SEMA6D: variants seen among roughly 807,000 people sequenced by gnomAD.
SEMA6D encodes semaphorin 6D.
A neutral mutation model predicts 106.6 loss-of-function variants in SEMA6D; 35 were observed. That is an observed-to-expected ratio of 0.33 (90% CI 0.25 to 0.44). The LOEUF (loss-of-function observed/expected upper bound fraction) is 0.44, where lower values mean the gene tolerates loss of function less well. Ranked by LOEUF, SEMA6D falls within the 20% of genes least tolerant of loss-of-function variation. The pLI is 1.00. For synonymous variants in SEMA6D, 499 were observed against 487.7 expected, an observed-to-expected ratio of 1.02 and a Z score of -0.31; for missense variants, 1,185 against 1,345.9, an observed-to-expected ratio of 0.88 and a Z score of 1.87.
intron 9 of SEMA6D, among the ~76,000 whole-genome samples, 157 bp from the exon 10 acceptor site, chr15:47,763,693 C>T (rs977127403): frequency 2.6e-5 from 4 of 152,150 alleles, no homozygotes; most frequent in African/African-American, 9.7e-5. Flanking sequence ...ATCTAGTTTA[C>T]CTTCTTACTG....
intron 4 of SEMA6D, among the ~76,000 whole-genome samples, chr15:47,620,093 G>C (rs1040300249): frequency 6.6e-6 from 1 of 152,130 alleles, no homozygotes; most frequent in African/African-American, 2.4e-5. Context: ...TTGAGACATG[G>C]TTCTAGCAGG....
intron 1 of SEMA6D, among the ~76,000 whole-genome samples, chr15:47,727,325 G>C (rs765087275): frequency 6.6e-6 from 1 of 152,176 alleles, no homozygotes; most frequent in South Asian, 2.1e-4. Context: ...GCTGCGTCTG[G>C]AATGAAGCCC....
At chr15:47,368,932 A>T (rs2039164575) in intron 1 of SEMA6D, among the ~76,000 whole-genome samples, 2 of 151,942 alleles carry the variant, frequency 1.3e-5, no homozygotes, top group African/African-American at 2.4e-5. Flanking sequence ...CATCCCTAAT[A>T]ATCTGTGGGT....
At chr15:47,382,379 G>A (rs761071629) in intron 1 of SEMA6D, among the ~76,000 whole-genome samples, 43 of 152,108 alleles carry the variant, frequency 2.8e-4, no homozygotes, top group Non-Finnish European at 4.7e-4. Context: ...GCATGGTGGC[G>A]GGGGCCTGTA....
At chr15:47,636,057 A>G (rs2077382939) in intron 4 of SEMA6D, among the ~76,000 whole-genome samples, 1 of 152,170 alleles carries the variant, frequency 6.6e-6, no homozygotes, top group Non-Finnish European at 1.5e-5. Context: ...TGTTCAACAT[A>G]CATAGATTGC....
intron 4 of SEMA6D, among the ~76,000 whole-genome samples, chr15:47,698,383 A>C (rs1162650240): frequency 2.6e-5 from 4 of 152,190 alleles, no homozygotes. Context: ...AAAATTTTAT[A>C]AATGCTTTTT....
intron 1 of SEMA6D, among the ~76,000 whole-genome samples, chr15:47,743,888 T>G (rs994330237): frequency 1.7e-4 from 26 of 152,326 alleles, no homozygotes; most frequent in African/African-American, 6.0e-4. Context: ...AACCTAGTTT[T>G]GATTTTTGTC....
intron 4 of SEMA6D, among the ~76,000 whole-genome samples, chr15:47,613,604 G>C (rs932642347): frequency 6.6e-6 from 1 of 152,060 alleles, no homozygotes; most frequent in Non-Finnish European, 1.5e-5. Context: ...ATATTTAGAA[G>C]TACAGTATAT....
intron 1 of SEMA6D, among the ~76,000 whole-genome samples, chr15:47,263,668 G>C (rs62014038): frequency 6.6e-6 from 1 of 151,782 alleles, no homozygotes. Context: ...GCGATTCCCC[G>C]AAGACTTAAT....
intron 4 of SEMA6D, among the ~76,000 whole-genome samples, chr15:47,606,641 C>T (rs542425006): frequency 2.6e-5 from 4 of 152,316 alleles, no homozygotes; most frequent in East Asian, 1.9e-4. Context: ...GCTGGCTACA[C>T]ATCCACCATG....
At chr15:47,265,998 G>A (rs2034299178) in intron 1 of SEMA6D, among the ~76,000 whole-genome samples, 1 of 152,040 alleles carries the variant, frequency 6.6e-6, no homozygotes. Context: ...TTCTTCTATT[G>A]TCTGGAAATG....
intron 3 of SEMA6D, among the ~76,000 whole-genome samples, chr15:47,496,902 A>G (rs956833565): frequency 3.3e-5 from 5 of 151,998 alleles, no homozygotes; most frequent in African/African-American, 9.7e-5. Flanking sequence ...AAAAATGAAC[A>G]CTACTTTTTG....
intron 4 of SEMA6D, among the ~76,000 whole-genome samples, chr15:47,706,904 A>G (rs191863925): frequency 1.3e-5 from 2 of 152,258 alleles, no homozygotes; most frequent in African/African-American, 4.8e-5. Context: ...CACCCTGACC[A>G]TTAACTAATA....
intron 1 of SEMA6D, among the ~76,000 whole-genome samples, chr15:47,185,941 G>A (rs751904799): frequency 1.2e-4 from 18 of 152,028 alleles, no homozygotes; most frequent in Non-Finnish European, 1.8e-4. Context: ...CTCTTGACAA[G>A]AGAAATTATT....
At chr15:47,430,864 G>T (rs531551570) in intron 2 of SEMA6D, among the ~76,000 whole-genome samples, 1 of 152,114 alleles carries the variant, frequency 6.6e-6, no homozygotes, top group African/African-American at 2.4e-5. Flanking sequence ...TGGAGGTGAT[G>T]AATTGCAGGA....
At chr15:47,552,553 CACACAT>C (rs1407720828) in intron 3 of SEMA6D, among the ~76,000 whole-genome samples, 14 of 143,600 alleles carry the variant, frequency 9.7e-5, no homozygotes, top group South Asian at 8.9e-4. Context: ...CACACACACA[CACACAT>C]ATGGCAAGGC....
At chr15:47,739,187 T>C (rs2080641685) in intron 1 of SEMA6D, among the ~76,000 whole-genome samples, 2 of 152,148 alleles carry the variant, frequency 1.3e-5, no homozygotes, top group African/African-American at 4.8e-5. Context: ...GGAAACAATA[T>C]AAAAAACACT....
intron 1 of SEMA6D, among the ~76,000 whole-genome samples, chr15:47,369,475 G>C (rs977948428): frequency 6.6e-6 from 1 of 152,162 alleles, no homozygotes; most frequent in Non-Finnish European, 1.5e-5. Flanking sequence ...GTTGGGCTTA[G>C]AGTGAAAATT....
chr15:47,543,515 A>G (rs1391202140), intron 3 of SEMA6D, among the ~76,000 whole-genome samples: 1 of 152,168 alleles, frequency 6.6e-6, no homozygotes, highest in Non-Finnish European at 1.5e-5. Flanking sequence ...CTGTGAGTCT[A>G]TGAAACCTCT....
Sources: gnomAD v4.1 joint callset for allele counts (sites outside exome capture counted in the v4.1 genomes callset) on GRCh38, gnomAD v4.1.1 for gene constraint, MANE v1.5 for transcripts, NCBI Gene and HGNC (gene_info 2026-07-23, HGNC 2026-07-21) for gene names.